PPP6R3: variants seen among roughly 807,000 people sequenced by gnomAD.
The protein encoded by PPP6R3 is protein phosphatase 6 regulatory subunit 3.
PPP6R3 carries 38 observed loss-of-function variants against 110.7 expected under a neutral mutation model. That is an observed-to-expected ratio of 0.34 (90% CI 0.26 to 0.45). PPP6R3 has a LOEUF of 0.45. Ranked by LOEUF, PPP6R3 falls within the 20% of genes least tolerant of loss-of-function variation. PPP6R3 has a pLI of 1.00. For missense variants in PPP6R3, 870 were observed against 1,062.4 expected (o/e 0.82, Z 2.52); for synonymous variants, 369 against 373.5 (o/e 0.99, Z 0.14).
intron 4 of PPP6R3, among the ~76,000 whole-genome samples, chr11:68,546,501 C>G (rs766582132): frequency 2.6e-5 from 4 of 152,198 alleles, no homozygotes; most frequent in Non-Finnish European, 5.9e-5. Flanking sequence ...TGTTACACTT[C>G]CCTGTCAGGA....
rs569563338 is a variant in PPP6R3, at chr11:68,537,613, T to A, written c.-6-46T>A. 140 of 1,264,238 alleles carry A rather than the reference T, an allele frequency of 1.1e-4. No homozygotes were observed. In the African/African-American group the frequency reaches 2.0e-3, roughly 18 times the overall value. 78.3% of individuals were successfully genotyped at this position (1,264,238 alleles called of 1,614,324 possible). The stretch of plus-strand genomic sequence containing the variant: ...TGAAATATGAATTATGGAAAATTAA[T>A]TTGTAAAGTTGAAATTTTATGAAAT... On this transcript the variant is annotated intron_variant, in intron 2 of 23. Transcript: ENST00000393800.
At chr11:68,559,825 A>C (rs1379159587) in intron 8 of PPP6R3, among the ~76,000 whole-genome samples, 8 of 123,702 alleles carry the variant, frequency 6.5e-5, no homozygotes, top group African/African-American at 9.4e-5. Context: ...CCCTCTTCCC[A>C]CCCCAGCGGT....
At chr11:68,541,364 C>A (rs894486724) in intron 3 of PPP6R3, among the ~76,000 whole-genome samples, 3 of 152,118 alleles carry the variant, frequency 2.0e-5, no homozygotes, top group African/African-American at 4.8e-5. Flanking sequence ...AAAACAAGAT[C>A]TTAGTGGACC....
At chr11:68,566,066 T>G (rs1431922129) in intron 9 of PPP6R3, among the ~76,000 whole-genome samples, 1 of 152,214 alleles carries the variant, frequency 6.6e-6, no homozygotes, top group Non-Finnish European at 1.5e-5. Context: ...TTTTGTGATT[T>G]CAGGCTATAG....
chr11:68,564,153 C>T, intron 8 of PPP6R3, 150 bp from the exon 9 acceptor site: 3 of 746,076 alleles, frequency 4.0e-6, no homozygotes, highest in South Asian at 1.9e-5. Context: ...TTTCATTAAC[C>T]CTCTTCTGCC....
At chr11:68,536,743 G>T (rs1208599652) in intron 2 of PPP6R3, among the ~76,000 whole-genome samples, 3 of 152,142 alleles carry the variant, frequency 2.0e-5, no homozygotes, top group East Asian at 3.8e-4. Context: ...GTAGGTTTTC[G>T]TTTGGGGGTT....
chr11:68,462,380 A>G (rs2098714114), intron 1 of PPP6R3, among the ~76,000 whole-genome samples: 1 of 152,200 alleles, frequency 6.6e-6, no homozygotes, highest in Non-Finnish European at 1.5e-5. Flanking sequence ...AGGAACATTT[A>G]CCGGAGTAAT....
intron 1 of PPP6R3, among the ~76,000 whole-genome samples, chr11:68,517,643 AATG>A (rs2099143636): frequency 6.6e-6 from 1 of 152,206 alleles, no homozygotes; most frequent in Non-Finnish European, 1.5e-5. Flanking sequence ...CAGAATGAAT[AATG>A]ATGTTAATTG....
intron 17 of PPP6R3, 34 bp downstream of exon 17, chr11:68,590,748 C>A: frequency 6.5e-7 from 1 of 1,527,454 alleles, no homozygotes. Flanking sequence ...CAGTGTGGCA[C>A]ATGAGAGGTT....
intron 11 of PPP6R3, 122 bp downstream of exon 11, chr11:68,570,019 A>G (rs1336721649): frequency 1.1e-6 from 1 of 894,846 alleles, no homozygotes; most frequent in Non-Finnish European, 1.6e-6. Context: ...TAAATATTTG[A>G]CAATCATGTG....
At chr11:68,470,207 CAG>C (rs1233500545) in intron 1 of PPP6R3, among the ~76,000 whole-genome samples, 1 of 152,100 alleles carries the variant, frequency 6.6e-6, no homozygotes, top group Admixed American at 6.6e-5. Flanking sequence ...GTAATACAAA[CAG>C]GGAGAAAAGT....
intron 8 of PPP6R3, among the ~76,000 whole-genome samples, chr11:68,563,122 C>G: frequency 6.7e-6 from 1 of 149,466 alleles, no homozygotes; most frequent in East Asian, 1.9e-4. Context: ...AAAAAAAAGC[C>G]AGGCATGGTG....
intron 1 of PPP6R3, among the ~76,000 whole-genome samples, chr11:68,515,596 AGCATTCGGGATTGTG>A (rs1433937164): frequency 6.6e-6 from 1 of 152,314 alleles, no homozygotes; most frequent in East Asian, 1.9e-4. Context: ...ATGAGCATTC[AGCATTCGGGATTGTG>A]GCATTCAGGA....
chr11:68,567,231 G>A, intron 10 of PPP6R3, 65 bp downstream of exon 10: 2 of 1,412,882 alleles, frequency 1.4e-6, no homozygotes, highest in African/African-American at 1.4e-5. Context: ...ATTTAACCAA[G>A]TTACAACCTT....
intron 1 of PPP6R3, among the ~76,000 whole-genome samples, chr11:68,511,090 C>T (rs533746250): frequency 4.9e-5 from 7 of 143,552 alleles, no homozygotes; most frequent in African/African-American, 7.9e-5. Flanking sequence ...TTTTTTGAGG[C>T]GGAGTCTCGC....
Position 68,567,085 on chromosome 11 carries a change from G to A in PPP6R3, c.1047G>A (p.Arg349=), listed in dbSNP as rs192937737. ...PVGNTRLNVI[R]LISSLLQTNT... Reference sequence around the variant, plus strand: ...GGAATACCCGGTTGAATGTCATTAGGTTGATATCCAGCCTGCTTCAAACCA... The same window carrying A: ...GGAATACCCGGTTGAATGTCATTAGATTGATATCCAGCCTGCTTCAAACCA... The change falls in exon 10 of 24, where the codon AGG becomes AGA. Residue 349 remains arginine, a synonymous_variant. Coordinates refer to ENST00000393800, the MANE Select transcript of PPP6R3 (RefSeq NM_001164161.2). The A allele has an allele frequency of 1.7e-4, 265 of 1,551,486 alleles. No homozygotes were observed. Among genetic ancestry groups the A allele is most frequent in the Middle Eastern group, 5.0e-4 (3 of 5,990 alleles).
intron 1 of PPP6R3, among the ~76,000 whole-genome samples, chr11:68,501,753 T>G (rs922616519): frequency 6.6e-6 from 1 of 152,244 alleles, no homozygotes; most frequent in East Asian, 1.9e-4. Flanking sequence ...CATGTTTTGT[T>G]TATAAGTGAA....
intron 1 of PPP6R3, among the ~76,000 whole-genome samples, chr11:68,478,647 G>GTTTTTCTTTTTTTTTTTTTTTTTT (rs2098860647): frequency 2.0e-5 from 1 of 50,506 alleles, no homozygotes. Context: ...CACTTGGTAA[G>GTTTTTCTTTTTTTTTTTTTTTTTT]TTTTTTTTTT....
intron 3 of PPP6R3, 64 bp from the exon 4 acceptor site, chr11:68,544,774 G>C: frequency 2.6e-6 from 3 of 1,151,834 alleles, no homozygotes; most frequent in Non-Finnish European, 2.4e-6. Flanking sequence ...TTTCTGATTT[G>C]TGTTTATCTT....
Sources: allele counts gnomAD v4.1 joint callset (sites outside exome capture counted in the v4.1 genomes callset), GRCh38; gene constraint gnomAD v4.1.1; transcripts MANE v1.5; gene names NCBI Gene and HGNC (gene_info 2026-07-23, HGNC 2026-07-21).